PIK3C2G: variants seen among roughly 807,000 people sequenced by gnomAD.
PIK3C2G encodes the protein phosphatidylinositol 3-kinase C2 domain-containing subunit gamma.
A neutral mutation model predicts 181.1 loss-of-function variants in PIK3C2G; 168 were observed. The observed-to-expected ratio is 0.93, with a 90% CI of 0.82 to 1.05. The LOEUF (loss-of-function observed/expected upper bound fraction) is 1.05, where lower values mean the gene tolerates loss of function less well. Ranked by LOEUF, PIK3C2G falls within the 50% of genes least tolerant of loss-of-function variation. The probability of loss-of-function intolerance (pLI) is 0.00; values close to 1 mark genes in which losing one functional copy is unlikely to be tolerated. For missense variants in PIK3C2G, 1,869 were observed against 1,732.8 expected (o/e 1.08, Z -1.40); for synonymous variants, 573 against 592.2 (o/e 0.97, Z 0.47).
intron 13 of PIK3C2G, among the ~76,000 whole-genome samples, chr12:18,375,174 T>G (rs1942348073): frequency 6.6e-6 from 1 of 151,988 alleles, no homozygotes; most frequent in African/African-American, 2.4e-5. Flanking sequence ...TGAGAGAAAG[T>G]TTGGGATTTC....
Position 18,430,403 on chromosome 12 carries a change from G to A in PIK3C2G, c.2504+6364G>A, listed in dbSNP as rs373948062. On this transcript the variant is annotated intron_variant, in intron 18 of 32. Coordinates refer to ENST00000538779, the MANE Select transcript of PIK3C2G (RefSeq NM_001288772.2). ...CCTAATGCAAAAATCTCTTCAAAATGTTCCTTTCAAAGTATGGGGATAACC... is the reference window on the plus strand; with the variant it reads ...CCTAATGCAAAAATCTCTTCAAAATATTCCTTTCAAAGTATGGGGATAACC... Among the ~76,000 whole-genome samples, 19 of 152,242 alleles carry A rather than the reference G, an allele frequency of 1.2e-4. No homozygotes were observed. The South Asian group carries it at 3.9e-3, about 32-fold the overall frequency.
At chr12:18,366,712 G>C (rs1302595878) in intron 12 of PIK3C2G, among the ~76,000 whole-genome samples, 2 of 150,300 alleles carry the variant, frequency 1.3e-5, no homozygotes, top group African/African-American at 4.9e-5. Flanking sequence ...TAAAACTTGA[G>C]ATCTATACTA....
the PIK3C2G span, chr12:18,700,033 C>A: frequency 2.4e-4 from 263 of 1,109,042 alleles, 6 homozygotes; most frequent in South Asian, 3.4e-3. Flanking sequence ...AATACACTTT[C>A]AAACAAATGA....
the PIK3C2G span, among the ~76,000 whole-genome samples, chr12:18,654,642 G>A: frequency 3.3e-5 from 5 of 152,166 alleles, no homozygotes; most frequent in African/African-American, 1.2e-4. Flanking sequence ...TAAAAGTAAA[G>A]CAAAGAGAGG....
chr12:18,525,045 G>GT (rs1248561059), intron 24 of PIK3C2G, among the ~76,000 whole-genome samples: 1 of 151,948 alleles, frequency 6.6e-6, no homozygotes, highest in African/African-American at 2.4e-5. Context: ...CTGGGTAATT[G>GT]TTTTTTCTTT....
At chr12:18,352,375 G>A (rs772801881) in intron 11 of PIK3C2G, among the ~76,000 whole-genome samples, 2 of 152,192 alleles carry the variant, frequency 1.3e-5, no homozygotes, top group Non-Finnish European at 2.9e-5. Flanking sequence ...GGGTTGGCTT[G>A]TTTAGTCAGC....
intron 5 of PIK3C2G, among the ~76,000 whole-genome samples, chr12:18,297,723 T>C (rs1214774301): frequency 1.3e-5 from 2 of 151,996 alleles, no homozygotes; most frequent in Non-Finnish European, 2.9e-5. Flanking sequence ...ATAACTATCA[T>C]GCTACACTCT....
chr12:18,684,167 AAGAAATTCATTTCCTG>A, the PIK3C2G span: 1 of 1,612,162 alleles, frequency 6.2e-7, no homozygotes, highest in South Asian at 1.1e-5. Flanking sequence ...TATATTGCCC[AAGAAATTCATTTCCTG>A]CTATTAAACC....
chr12:18,313,349 C>A (rs1194809832), intron 5 of PIK3C2G, among the ~76,000 whole-genome samples: 1 of 152,060 alleles, frequency 6.6e-6, no homozygotes, highest in Non-Finnish European at 1.5e-5. Context: ...AGGTATAATT[C>A]TTTTGTTTAT....
At chr12:18,392,777 C>CT (rs1565670941) in intron 15 of PIK3C2G, among the ~76,000 whole-genome samples, 1 of 152,142 alleles carries the variant, frequency 6.6e-6, no homozygotes, top group East Asian at 1.9e-4. Context: ...TTGTTTATCA[C>CT]TATATTTCTA....
At chr12:18,598,252 T>C (rs1317684700) in intron 30 of PIK3C2G, among the ~76,000 whole-genome samples, 1 of 151,684 alleles carries the variant, frequency 6.6e-6, no homozygotes, top group Admixed American at 6.6e-5. Flanking sequence ...CAAACTATAC[T>C]ACAAGGCTAC....
intron 5 of PIK3C2G, among the ~76,000 whole-genome samples, chr12:18,309,076 A>G (rs1950536991): frequency 6.6e-6 from 1 of 151,890 alleles, no homozygotes; most frequent in Non-Finnish European, 1.5e-5. Context: ...TCTTTCTTTG[A>G]TACTACACCA....
chr12:18,577,290 C>T (rs1475305001), intron 29 of PIK3C2G, among the ~76,000 whole-genome samples: 1 of 152,284 alleles, frequency 6.6e-6, no homozygotes, highest in East Asian at 1.9e-4. Flanking sequence ...TGTTGCCCAT[C>T]ATACTCATTG....
At chr12:18,564,651 G>A (rs531017262) in intron 28 of PIK3C2G, among the ~76,000 whole-genome samples, 51 of 152,006 alleles carry the variant, frequency 3.4e-4, no homozygotes, top group Non-Finnish European at 6.0e-4. Flanking sequence ...AGACTGAGAG[G>A]GAGGCAAAGT....
At chr12:18,657,797 T>C in the PIK3C2G span, among the ~76,000 whole-genome samples, 41 of 151,936 alleles carry the variant, frequency 2.7e-4, no homozygotes, top group East Asian at 7.4e-3. Flanking sequence ...GTGCAAATAA[T>C]AAGAAAGTAT....
intron 24 of PIK3C2G, among the ~76,000 whole-genome samples, chr12:18,519,253 T>C (rs529706091): frequency 1.2e-3 from 180 of 152,328 alleles, no homozygotes; most frequent in African/African-American, 4.2e-3. Flanking sequence ...GTCCACTTGA[T>C]CCAGAGCTGA....
chr12:18,708,197 A>C, the PIK3C2G span, among the ~76,000 whole-genome samples: 1 of 152,146 alleles, frequency 6.6e-6, no homozygotes, highest in Admixed American at 6.5e-5. Context: ...CGTTCCTGTC[A>C]ACCACTGTTT....
intron 30 of PIK3C2G, among the ~76,000 whole-genome samples, chr12:18,599,819 A>G (rs1032875298): frequency 6.6e-6 from 1 of 151,986 alleles, no homozygotes; most frequent in East Asian, 1.9e-4. Flanking sequence ...TGATGAAGAA[A>G]AAGAGGAATT....
intron 25 of PIK3C2G, among the ~76,000 whole-genome samples, chr12:18,541,397 C>T (rs113175546): frequency 6.7e-4 from 102 of 151,880 alleles, no homozygotes; most frequent in African/African-American, 1.8e-3. Flanking sequence ...GCTGAGTTCC[C>T]GAAAATAAAA....
Sources: allele counts gnomAD v4.1 joint callset (sites outside exome capture counted in the v4.1 genomes callset), GRCh38; gene constraint gnomAD v4.1.1; transcripts MANE v1.5; gene names NCBI Gene and HGNC (gene_info 2026-07-23, HGNC 2026-07-21).